SMAD1: variants seen among roughly 807,000 people sequenced by gnomAD.
The protein encoded by SMAD1 is SMAD family member 1.
SMAD1 carries 6 observed loss-of-function variants against 41.6 expected under a neutral mutation model. The ratio of observed to expected loss-of-function variants is 0.14; its 90% CI spans 0.08 to 0.28. The LOEUF is 0.28. Ranked by LOEUF, SMAD1 falls within the 10% of genes least tolerant of loss-of-function variation. SMAD1 has a pLI of 1.00. For missense variants in SMAD1, 379 were observed against 582.6 expected, an observed-to-expected ratio of 0.65 and a Z score of 3.60; for synonymous variants, 206 against 203.2, an observed-to-expected ratio of 1.01 and a Z score of -0.12.
intron 2 of SMAD1, among the ~76,000 whole-genome samples, chr4:145,521,242 A>G (rs1389224337): frequency 1.3e-5 from 2 of 152,192 alleles, no homozygotes; most frequent in Non-Finnish European, 2.9e-5. Flanking sequence ...TAAGCAAGCA[A>G]TCTAACTGTG....
intron 2 of SMAD1, among the ~76,000 whole-genome samples, chr4:145,536,710 A>G (rs925235349): frequency 6.6e-6 from 1 of 152,228 alleles, no homozygotes; most frequent in African/African-American, 2.4e-5. Context: ...AATGGATGCT[A>G]AATATAGGGG....
At chr4:145,493,464 T>C (rs992847808) in intron 1 of SMAD1, among the ~76,000 whole-genome samples, 6 of 152,260 alleles carry the variant, frequency 3.9e-5, no homozygotes, top group Middle Eastern at 3.2e-3. Flanking sequence ...TCAGGGCTTC[T>C]ATTTAGTTTA....
chr4:145,506,699 C>A (rs1329367816), intron 1 of SMAD1, among the ~76,000 whole-genome samples: 8 of 151,470 alleles, frequency 5.3e-5, no homozygotes, highest in Admixed American at 3.9e-4. Context: ...TAAAAAAAAA[C>A]TTTCTGTGGG....
At chr4:145,489,630 G>A (rs1001184827) in intron 1 of SMAD1, among the ~76,000 whole-genome samples, 1 of 152,188 alleles carries the variant, frequency 6.6e-6, no homozygotes, top group Non-Finnish European at 1.5e-5. Context: ...AGAGCTGGTT[G>A]TAGAAGAAAT....
chr4:145,547,770 C>G (rs934591255), intron 5 of SMAD1, among the ~76,000 whole-genome samples: 18 of 152,136 alleles, frequency 1.2e-4, no homozygotes, highest in African/African-American at 4.3e-4. Context: ...ATAGAAGTAT[C>G]AGTGCAAAAT....
At chr4:145,484,956 C>T (rs1728404701) in intron 1 of SMAD1, among the ~76,000 whole-genome samples, 1 of 152,194 alleles carries the variant, frequency 6.6e-6, no homozygotes, top group African/African-American at 2.4e-5. Context: ...ATAAACAGTT[C>T]AGGAAAAGAA....
chr4:145,509,751 T>C (rs1273115441), intron 1 of SMAD1, among the ~76,000 whole-genome samples: 2 of 152,242 alleles, frequency 1.3e-5, no homozygotes, highest in East Asian at 3.8e-4. Flanking sequence ...TGACTTTTGA[T>C]AATAGCATAG....
At chr4:145,484,175 A>G (rs1431761424) in intron 1 of SMAD1, among the ~76,000 whole-genome samples, 1 of 152,232 alleles carries the variant, frequency 6.6e-6, no homozygotes, top group African/African-American at 2.4e-5. Flanking sequence ...TTAGACTAGC[A>G]TGTTTAAGCT....
At position 145,553,854 on chromosome 4, in the gene SMAD1, A is replaced by G. The variant is rs1578834218; in HGVS notation, c.1068A>G (p.Gln356=). 2.5e-6 allele frequency: 4 copies of G among 1,614,112 alleles called. No individual in the cohort carries two copies. Among genetic ancestry groups the G allele is most frequent in the Non-Finnish European group, 2.5e-6 (3 of 1,179,968 alleles). Reference sequence around the variant, plus strand: ...TTAGTGACAGTAGCATCTTTGTGCAAAGTCGGAACTGCAACTACCATCATG... The same window carrying G: ...TTAGTGACAGTAGCATCTTTGTGCAGAGTCGGAACTGCAACTACCATCATG... ...ECLSDSSIFV[Q]SRNCNYHHGF... is the part of the protein sequence containing the mutation. The change falls in exon 6 of 7, where the codon CAA becomes CAG. Residue 356 remains glutamine (Q), a synonymous_variant. Coordinates refer to ENST00000302085, the MANE Select transcript of SMAD1 (RefSeq NM_005900.3).
chr4:145,528,103 A>C (rs906205086), intron 2 of SMAD1, among the ~76,000 whole-genome samples: 1 of 147,372 alleles, frequency 6.8e-6, no homozygotes, highest in African/African-American at 2.5e-5. Context: ...ATACACACAC[A>C]TATATTTTTT....
At chr4:145,557,338 G>A (rs1560769838) in intron 6 of SMAD1, among the ~76,000 whole-genome samples, 1 of 152,214 alleles carries the variant, frequency 6.6e-6, no homozygotes, top group African/African-American at 2.4e-5. Flanking sequence ...ATCAAGAGCT[G>A]TGTGTTGATA....
intron 1 of SMAD1, chr4:145,498,153 A>G (rs1729199063): frequency 1.3e-5 from 2 of 152,260 alleles, no homozygotes; most frequent in Non-Finnish European, 2.9e-5. Flanking sequence ...AAATTCATGC[A>G]TTGAAAAATT....
intron 1 of SMAD1, among the ~76,000 whole-genome samples, chr4:145,498,830 G>A (rs540643498): frequency 3.5e-4 from 54 of 152,150 alleles, no homozygotes; most frequent in Non-Finnish European, 5.9e-4. Context: ...CATCATAGTC[G>A]AATGTATCAT....
At position 145,551,720 on chromosome 4, in the gene SMAD1, G is replaced by T. The variant is rs141684990; in HGVS notation, c.998-2064G>T. On this transcript the variant is annotated intron_variant, in intron 5 of 6. Coordinates refer to ENST00000302085, the MANE Select transcript of SMAD1 (RefSeq NM_005900.3). Reference sequence around the variant, plus strand: ...ACAATTATTTGTCAACTATAAATTAGGGACGTTTTGTTTTTGCTCTACACT... The same window carrying T: ...ACAATTATTTGTCAACTATAAATTATGGACGTTTTGTTTTTGCTCTACACT... Among the ~76,000 whole-genome samples the T allele has an allele frequency of 3.4e-4, 52 of 152,274 alleles. 1 individual carries two copies. In the East Asian group the frequency reaches 9.5e-3, roughly 28 times the overall value.
chr4:145,556,307 G>C lies in SMAD1; in HGVS notation c.1255-1484G>C, dbSNP rs76796874. Among the ~76,000 whole-genome samples the C allele has an allele frequency of 9.9e-3, 1,501 of 152,182 alleles. 29 individuals carry two copies. Among genetic ancestry groups the C allele is most frequent in the African/African-American group, 0.034 (1,393 of 41,526 alleles). Reference sequence around the variant, plus strand: ...TTCAAAGATCTTGCTATCTGATGGAGGAAACCTGCACATAAGCCTGTAAAT... The same window carrying C: ...TTCAAAGATCTTGCTATCTGATGGACGAAACCTGCACATAAGCCTGTAAAT... On this transcript the variant is annotated intron_variant, in intron 6 of 6. Coordinates refer to ENST00000302085, the MANE Select transcript of SMAD1 (RefSeq NM_005900.3).
intron 2 of SMAD1, among the ~76,000 whole-genome samples, chr4:145,537,823 G>T (rs1731700171): frequency 6.6e-6 from 1 of 152,170 alleles, no homozygotes; most frequent in Non-Finnish European, 1.5e-5. Context: ...TAAGTCCCCA[G>T]TTCTAAAACT....
In SMAD1 at chr4:145,558,488, A is replaced by G. The variant is rs904427577; in HGVS notation, c.*554A>G. Among the ~76,000 whole-genome samples, 2 of 152,220 alleles carry G rather than the reference A, an allele frequency of 1.3e-5. No individual in the cohort carries two copies. Among genetic ancestry groups the G allele is most frequent in the African/African-American group, 2.4e-5 (1 of 41,460 alleles). ...ATCTTTCTAAAATTGTATGCTGACC[A>G]TACTTGCTGTCAGAATAATGCTAGG... On this transcript the variant is annotated 3_prime_UTR_variant, in exon 7 of 7. Coordinates refer to ENST00000302085, the MANE Select transcript of SMAD1 (RefSeq NM_005900.3).
At chr4:145,483,551 A>C (rs1201117157) in intron 1 of SMAD1, among the ~76,000 whole-genome samples, 1 of 152,252 alleles carries the variant, frequency 6.6e-6, no homozygotes, top group Non-Finnish European at 1.5e-5. Context: ...ATATTGTTGC[A>C]TCAGTGTTAT....
chr4:145,507,371 A>G (rs1345750938), intron 1 of SMAD1, among the ~76,000 whole-genome samples: 2 of 152,124 alleles, frequency 1.3e-5, no homozygotes, highest in African/African-American at 2.4e-5. Context: ...ATAACCAACC[A>G]TTTTATGTTC....
Sources: gnomAD v4.1 joint callset for allele counts (sites outside exome capture counted in the v4.1 genomes callset) on GRCh38, gnomAD v4.1.1 for gene constraint, MANE v1.5 for transcripts, NCBI Gene and HGNC (gene_info 2026-07-23, HGNC 2026-07-21) for gene names.